CDH23: variants seen among roughly 807,000 people sequenced by gnomAD.
CDH23 encodes cadherin-23.
CDH23 carries 189 observed loss-of-function variants against 317.1 expected under a neutral mutation model. The ratio of observed to expected loss-of-function variants is 0.60; its 90% CI spans 0.53 to 0.67. The LOEUF (loss-of-function observed/expected upper bound fraction) is 0.67. Among genes scored for constraint, CDH23 ranks in the 30% least tolerant of loss-of-function variants. The pLI, the probability that CDH23 is intolerant of heterozygous loss-of-function variation, is 0.00. For synonymous variants in CDH23, 1,839 were observed against 1,876.8 expected, an observed-to-expected ratio of 0.98 and a Z score of 0.52; for missense variants, 4,401 against 4,592.4, an observed-to-expected ratio of 0.96 and a Z score of 1.20.
chr10:71,727,166 C>A (rs1019716543), intron 30 of CDH23, among the ~76,000 whole-genome samples: 2 of 152,226 alleles, frequency 1.3e-5, no homozygotes, highest in Admixed American at 1.3e-4. Context: ...ACTGTTAATA[C>A]CCCCATCTTA....
At chr10:71,408,970 T>C (rs72642218) in intron 1 of CDH23, among the ~76,000 whole-genome samples, 4,036 of 152,336 alleles carry the variant, frequency 0.026, 125 homozygotes, top group East Asian at 0.078. Flanking sequence ...TGTGTGTGCA[T>C]GTGCATGCAT....
chr10:71,688,656 C>T (rs1237904), intron 19 of CDH23, among the ~76,000 whole-genome samples: 2 of 83,838 alleles, frequency 2.4e-5, no homozygotes, highest in Admixed American at 1.3e-4. Flanking sequence ...GATGATGGAG[C>T]CAGGGGTGGT....
At chr10:71,681,543 C>T (rs536067831) in intron 17 of CDH23, among the ~76,000 whole-genome samples, 2 of 152,340 alleles carry the variant, frequency 1.3e-5, no homozygotes, top group East Asian at 3.9e-4. Context: ...CAGCACCTAA[C>T]CCCGAGTACC....
At chr10:71,483,837 A>C (rs1852199024) in intron 3 of CDH23, among the ~76,000 whole-genome samples, 1 of 151,898 alleles carries the variant, frequency 6.6e-6, no homozygotes, top group South Asian at 2.1e-4. Flanking sequence ...GCTCACACAC[A>C]TTTCCTGTGT....
chr10:71,803,815 C>CAAAAAAAA (rs59916449), intron 55 of CDH23, among the ~76,000 whole-genome samples: 2 of 71,086 alleles, frequency 2.8e-5, no homozygotes, highest in Non-Finnish European at 5.2e-5. Context: ...ACTAAAAATG[C>CAAAAAAAA]AAAAAAAAAA....
At chr10:71,490,203 A>AT (rs1200532801) in intron 3 of CDH23, among the ~76,000 whole-genome samples, 2 of 151,984 alleles carry the variant, frequency 1.3e-5, no homozygotes, top group African/African-American at 4.8e-5. Flanking sequence ...AGTATTCTTG[A>AT]TTTTTTTATC....
intron 27 of CDH23, chr10:71,711,660 T>G (rs1363874371): frequency 6.6e-6 from 1 of 152,172 alleles, no homozygotes; most frequent in African/African-American, 2.4e-5. Context: ...GGGACGTTTG[T>G]TTGACCTATC....
chr10:71,585,229 G>A (rs933275223), intron 9 of CDH23, among the ~76,000 whole-genome samples: 1 of 152,140 alleles, frequency 6.6e-6, no homozygotes, highest in Non-Finnish European at 1.5e-5. Context: ...AACTACTAAC[G>A]TCTGAGTCTA....
At chr10:71,750,318 C>T (rs2132861954) in intron 38 of CDH23, 1 of 152,388 alleles carries the variant, frequency 6.6e-6, no homozygotes, top group Non-Finnish European at 1.5e-5. Context: ...AGGGTTTGCA[C>T]CTGTTTCCCC....
chr10:71,422,901 A>G (rs2131955526), intron 1 of CDH23, among the ~76,000 whole-genome samples: 1 of 152,112 alleles, frequency 6.6e-6, no homozygotes, highest in South Asian at 2.1e-4. Context: ...GGGCAACTTC[A>G]CTGGGGGAGG....
chr10:71,654,012 C>T (rs1863301046), intron 14 of CDH23, among the ~76,000 whole-genome samples: 1 of 152,100 alleles, frequency 6.6e-6, no homozygotes, highest in African/African-American at 2.4e-5. Flanking sequence ...TCAGTTGGTG[C>T]GTTGGTTGAG....
At chr10:71,551,687 G>A (rs1856605093) in intron 6 of CDH23, among the ~76,000 whole-genome samples, 1 of 152,130 alleles carries the variant, frequency 6.6e-6, no homozygotes, top group Non-Finnish European at 1.5e-5. Context: ...TCTTCTCATG[G>A]TCTTTGTGTG....
chr10:71,650,673 G>A (rs911091939), intron 14 of CDH23, among the ~76,000 whole-genome samples: 4 of 152,206 alleles, frequency 2.6e-5, no homozygotes, highest in Non-Finnish European at 2.9e-5. Context: ...TGCCTGTACC[G>A]ATGCATGGAT....
chr10:71,745,435 C>G (rs1042011999), intron 38 of CDH23, among the ~76,000 whole-genome samples: 3 of 152,186 alleles, frequency 2.0e-5, no homozygotes, highest in Non-Finnish European at 2.9e-5. Context: ...GGGCAGGACT[C>G]TCTATTTCCA....
chr10:71,400,044 C>T (rs1435575300), intron 1 of CDH23, among the ~76,000 whole-genome samples: 1 of 152,152 alleles, frequency 6.6e-6, no homozygotes, highest in Non-Finnish European at 1.5e-5. Context: ...GGAACAGCCT[C>T]CAGAGGGGAA....
chr10:71,737,404 C>T (rs939185715), intron 34 of CDH23, among the ~76,000 whole-genome samples: 1 of 152,228 alleles, frequency 6.6e-6, no homozygotes, highest in South Asian at 2.1e-4. Context: ...GTTGGGTTGG[C>T]CTAGCTGCGA....
At chr10:71,574,437 TGACTGGAATTAAG>T (rs1286639229) in intron 8 of CDH23, among the ~76,000 whole-genome samples, 5 of 152,100 alleles carry the variant, frequency 3.3e-5, no homozygotes, top group African/African-American at 7.2e-5. Flanking sequence ...CGACTGGAAT[TGACTGGAATTAAG>T]GACTGAGAAA....
chr10:71,689,421 T>C (rs1191896673), intron 19 of CDH23, among the ~76,000 whole-genome samples: 1 of 152,074 alleles, frequency 6.6e-6, no homozygotes, highest in African/African-American at 2.4e-5. Flanking sequence ...TACACCCCCA[T>C]CCCTGGGGAC....
chr10:71,732,641 A>G (rs929323229), intron 32 of CDH23: 15 of 1,396,628 alleles, frequency 1.1e-5, no homozygotes, highest in Admixed American at 6.1e-5. Flanking sequence ...TCTTACAAAG[A>G]AACAAAAAAA....
Sources: gnomAD v4.1 joint callset for allele counts (sites outside exome capture counted in the v4.1 genomes callset) on GRCh38, gnomAD v4.1.1 for gene constraint, MANE v1.5 for transcripts, NCBI Gene and HGNC (gene_info 2026-07-23, HGNC 2026-07-21) for gene names.